The following DCUN1D3 variants were observed in gnomAD, a reference collection of about 807,000 sequenced individuals.
DCUN1D3 encodes DCN1-like protein 3.
In DCUN1D3, 6 loss-of-function variants were observed where a neutral mutation model predicts 24.8. The ratio of observed to expected loss-of-function variants is 0.24; its 90% CI spans 0.13 to 0.48. The LOEUF (loss-of-function observed/expected upper bound fraction) is 0.48, where lower values mean the gene tolerates loss of function less well. DCUN1D3 is among the 20% of genes least tolerant of loss of function. The pLI, the probability that DCUN1D3 is intolerant of heterozygous loss-of-function variation, is 0.99. For missense variants in DCUN1D3, 258 were observed against 379.4 expected (o/e 0.68, Z 2.66); for synonymous variants, 120 against 144.9 (o/e 0.83, Z 1.24).
intron 1 of DCUN1D3, among the ~76,000 whole-genome samples, chr16:20,879,259 G>A (rs1393353606): frequency 6.6e-6 from 1 of 152,170 alleles, no homozygotes; most frequent in East Asian, 1.9e-4. Context: ...ATAAAAAATA[G>A]TACCGGCTTG....
intron 1 of DCUN1D3, among the ~76,000 whole-genome samples, chr16:20,882,869 A>G (rs2081851347): frequency 6.6e-6 from 1 of 152,218 alleles, no homozygotes. Context: ...TTTCAGAAGT[A>G]CCCTATGAAT....
In DCUN1D3 at chr16:20,897,539, G is replaced by A. The variant is rs559780440; in HGVS notation, c.-106+2665C>T. On this transcript the variant is annotated intron_variant, in intron 1 of 2. Coordinates refer to ENST00000324344, the MANE Select transcript of DCUN1D3 (RefSeq NM_173475.4). ...GAGTGGAACTATTGCAACATAAACT[G>A]CCTCCCTACAAAAGACAACTTGAAA... Among the ~76,000 whole-genome samples the A allele has an allele frequency of 1.6e-4, 24 of 152,236 alleles. No homozygotes were observed. The South Asian group carries it at 5.0e-3, about 32-fold the overall frequency.
intron 1 of DCUN1D3, among the ~76,000 whole-genome samples, chr16:20,892,247 A>T (rs1365667153): frequency 6.6e-6 from 1 of 152,210 alleles, no homozygotes; most frequent in Non-Finnish European, 1.5e-5. Context: ...ATCTGACAAC[A>T]TTCTCAAAAG....
In DCUN1D3 at chr16:20,859,944, T is replaced by G; in HGVS notation, c.857A>C (p.Glu286Ala). Residue 286 changes from glutamate (E) to alanine (A), a missense_variant, in exon 3 of 3, where the codon GAA (glutamate) becomes GCA (alanine). By Grantham distance (107) the Glu-to-Ala change is moderately radical (BLOSUM62 -1). Coordinates refer to ENST00000324344, the MANE Select transcript of DCUN1D3 (RefSeq NM_173475.4). ...CCCTGAGCTGAGTGCACCTCTCCCTTCCCCTTCTCTTTTCCTTCGCTCCAT... is the reference window on the plus strand; with the variant it reads ...CCCTGAGCTGAGTGCACCTCTCCCTGCCCCTTCTCTTTTCCTTCGCTCCAT... ...WEMERRKREGEGRGALSSGPE... is the reference protein window; with the variant it reads ...WEMERRKREGAGRGALSSGPE... 6.2e-7 allele frequency: 1 copy of G among 1,614,160 alleles called. No individual in the cohort carries two copies. The highest frequency in any genetic ancestry group is 2.2e-5 in the East Asian group (1 of 44,888).
At chr16:20,875,018 C>T (rs2081806689) in intron 1 of DCUN1D3, among the ~76,000 whole-genome samples, 1 of 152,058 alleles carries the variant, frequency 6.6e-6, no homozygotes, top group African/African-American at 2.4e-5. Flanking sequence ...CATGACCTGC[C>T]AAAATTGCTG....
chr16:20,868,837 C>T (rs1254567088), intron 1 of DCUN1D3: 2 of 152,238 alleles, frequency 1.3e-5, no homozygotes, highest in Non-Finnish European at 2.9e-5. Context: ...AACCCATGCA[C>T]TGGGGAAACC....
intron 1 of DCUN1D3, among the ~76,000 whole-genome samples, chr16:20,866,611 G>C (rs1459054697): frequency 6.6e-6 from 1 of 152,184 alleles, no homozygotes; most frequent in Non-Finnish European, 1.5e-5. Context: ...TGACACAGCA[G>C]AACCAGCTGA....
At chr16:20,867,574 A>G (rs1250611332) in intron 1 of DCUN1D3, among the ~76,000 whole-genome samples, 4 of 152,226 alleles carry the variant, frequency 2.6e-5, no homozygotes, top group African/African-American at 7.2e-5. Context: ...AATTTCCTCA[A>G]TCTGCAAAAT....
Position 20,857,279 on chromosome 16 carries a change from G to A in DCUN1D3, c.*2607C>T, listed in dbSNP as rs541582262. 6.6e-6 allele frequency: 1 copy of A among 152,298 alleles called. No individual in the cohort carries two copies. The highest frequency in any genetic ancestry group is 1.9e-4 in the East Asian group (1 of 5,190). The allele number at this position is 152,298 out of a possible 1,614,324, so 9.4% of individuals were successfully genotyped here. On this transcript the variant is annotated 3_prime_UTR_variant, in exon 3 of 3. Transcript: ENST00000324344. ...CTTTTCTGGCTTCTCATTTGCAAAT[G>A]GATCAATATAACCAAAAAATAACTA... is the stretch of plus-strand genomic sequence containing the variant.
chr16:20,875,209 T>TGC (rs1011908412), intron 1 of DCUN1D3, among the ~76,000 whole-genome samples: 6 of 96,082 alleles, frequency 6.2e-5, no homozygotes, highest in South Asian at 3.7e-4. Context: ...CGTGCGCTCA[T>TGC]GCACACACAC....
chr16:20,894,286 T>C (rs2081905436), intron 1 of DCUN1D3, among the ~76,000 whole-genome samples: 1 of 151,960 alleles, frequency 6.6e-6, no homozygotes. Context: ...AAAAAATAAA[T>C]GAATACATAA....
At chr16:20,884,393 T>A (rs1239977272) in intron 1 of DCUN1D3, among the ~76,000 whole-genome samples, 2 of 152,136 alleles carry the variant, frequency 1.3e-5, no homozygotes, top group African/African-American at 4.8e-5. Context: ...AGGGTGAATG[T>A]CACAACTCGG....
Position 20,859,844 on chromosome 16 carries a change from G to A in DCUN1D3, c.*42C>T, listed in dbSNP as rs2081722525. ...GGTCCAATTCCTCAGTTGGCTGCAGGGCAGCTGGCAGATCCTTGCTGCTGC... is the reference window on the plus strand; with the variant it reads ...GGTCCAATTCCTCAGTTGGCTGCAGAGCAGCTGGCAGATCCTTGCTGCTGC... On this transcript the variant is annotated 3_prime_UTR_variant, in exon 3 of 3. Coordinates refer to ENST00000324344, the MANE Select transcript of DCUN1D3 (RefSeq NM_173475.4). 4 of 1,541,228 alleles carry A rather than the reference G, an allele frequency of 2.6e-6. No individual in the cohort carries two copies. Among genetic ancestry groups the A allele is most frequent in the Non-Finnish European group, 2.6e-6 (3 of 1,143,764 alleles).
chr16:20,858,525 T>C lies in DCUN1D3; in HGVS notation c.*1361A>G, dbSNP rs1240035421. On this transcript the variant is annotated 3_prime_UTR_variant, in exon 3 of 3. Coordinates refer to ENST00000324344, the MANE Select transcript of DCUN1D3 (RefSeq NM_173475.4). ...AGGAATATAGATACATATATGTGTA[T>C]ATATATATATTTTATATAGGTAAAA... The C allele has an allele frequency of 6.8e-6, 1 of 146,930 alleles. No homozygotes were observed. Among genetic ancestry groups the C allele is most frequent in the East Asian group, 2.0e-4 (1 of 5,084 alleles). 9.1% of individuals were successfully genotyped at this position (146,930 alleles called of 1,614,324 possible).
intron 1 of DCUN1D3, among the ~76,000 whole-genome samples, chr16:20,877,427 A>G (rs780197345): frequency 2.0e-5 from 3 of 152,052 alleles, no homozygotes; most frequent in Non-Finnish European, 4.4e-5. Context: ...GTGAAATTCT[A>G]ATTTGCTGAC....
intron 1 of DCUN1D3, among the ~76,000 whole-genome samples, chr16:20,871,446 A>G (rs1489312705): frequency 6.6e-6 from 1 of 152,232 alleles, no homozygotes; most frequent in Non-Finnish European, 1.5e-5. Context: ...AAATCATCTT[A>G]GGTCACATGA....
Position 20,889,071 on chromosome 16 carries a change from C to G in DCUN1D3, c.-106+11133G>C, listed in dbSNP as rs576916757. On this transcript the variant is annotated intron_variant, in intron 1 of 2. Coordinates refer to ENST00000324344, the MANE Select transcript of DCUN1D3 (RefSeq NM_173475.4). ...AGTGAAACCCCATCTCTACTAAAAACACAAAAATTAGCCGGGCGTGGTGGC... is the reference window on the plus strand; with the variant it reads ...AGTGAAACCCCATCTCTACTAAAAAGACAAAAATTAGCCGGGCGTGGTGGC... 1.5e-3 allele frequency among the ~76,000 whole-genome samples: 230 copies of G among 152,154 alleles called. 1 individual carries two copies. The highest frequency in any genetic ancestry group is 5.3e-3 in the African/African-American group (222 of 41,522).
intron 1 of DCUN1D3, among the ~76,000 whole-genome samples, chr16:20,871,582 G>GTGTGGGCT (rs1357529587): frequency 6.6e-6 from 1 of 152,184 alleles, no homozygotes; most frequent in Admixed American, 6.5e-5. Flanking sequence ...ACTGAAGCCA[G>GTGTGGGCT]TGTGGGCTGG....
chr16:20,892,716 T>C (rs1376466782), intron 1 of DCUN1D3, among the ~76,000 whole-genome samples: 1 of 151,942 alleles, frequency 6.6e-6, no homozygotes, highest in African/African-American at 2.4e-5. Context: ...CTTGCTTATC[T>C]GAAAAACTTA....
Sources: allele counts gnomAD v4.1 joint callset (sites outside exome capture counted in the v4.1 genomes callset), GRCh38; gene constraint gnomAD v4.1.1; transcripts MANE v1.5; gene names NCBI Gene and HGNC (gene_info 2026-07-23, HGNC 2026-07-21).